TRDN: variants seen among roughly 807,000 people sequenced by gnomAD.
TRDN encodes triadin, also known as triadin in skeletal muscle.
A neutral mutation model predicts 149.7 loss-of-function variants in TRDN; 161 were observed. That is an observed-to-expected ratio of 1.08 (90% CI 0.95 to 1.23). The LOEUF is 1.23. Ranked by LOEUF, TRDN falls within the 50% of genes most tolerant of loss-of-function variation. The probability of loss-of-function intolerance (pLI) is 0.00; values close to 1 mark genes in which losing one functional copy is unlikely to be tolerated. For synonymous variants in TRDN, 294 were observed against 250.5 expected, an observed-to-expected ratio of 1.17 and a Z score of -1.64; for missense variants, 896 against 823.5, an observed-to-expected ratio of 1.09 and a Z score of -1.08.
At chr6:123,494,774 C>T (rs1345692143) in intron 9 of TRDN, among the ~76,000 whole-genome samples, 1 of 151,986 alleles carries the variant, frequency 6.6e-6, no homozygotes. Context: ...TGCTCTGTGG[C>T]CCAGGCTGGA....
At chr6:123,508,867 T>C (rs1475408053) in intron 7 of TRDN, among the ~76,000 whole-genome samples, 2 of 152,190 alleles carry the variant, frequency 1.3e-5, no homozygotes, top group Non-Finnish European at 2.9e-5. Flanking sequence ...TATGATATTT[T>C]CTATCTTTAA....
At chr6:123,301,981 G>A (rs574558079) in intron 24 of TRDN, among the ~76,000 whole-genome samples, 1 of 149,306 alleles carries the variant, frequency 6.7e-6, no homozygotes, top group African/African-American at 2.5e-5. Context: ...GAGTGTTTAG[G>A]TTATTCACCT....
chr6:123,597,598 T>C (rs1345551920), intron 1 of TRDN, among the ~76,000 whole-genome samples: 6 of 152,038 alleles, frequency 3.9e-5, no homozygotes, highest in Admixed American at 2.0e-4. Flanking sequence ...AACTTCATTG[T>C]TGTCTTTTGT....
In TRDN at chr6:123,273,042, G is replaced by A. The variant is rs1430016828; in HGVS notation, c.1625-31C>T. 4 of 1,422,162 alleles carry A rather than the reference G, an allele frequency of 2.8e-6. No individual in the cohort carries two copies. The East Asian group carries it at 7.9e-5, about 28-fold the overall frequency. 88.1% of individuals were successfully genotyped at this position (1,422,162 alleles called of 1,614,324 possible). A position where few individuals can be genotyped will look rare whatever the true frequency, so the allele number is the denominator to read the frequency against. On this transcript the variant is annotated intron_variant, in intron 28 of 40. Coordinates refer to ENST00000334268, the MANE Select transcript of TRDN (RefSeq NM_006073.4). ...AATAATAAAAAGAAAATCTTTTTTA[G>A]GTATTTAGAAGCTGGGAAAATAGCT...
intron 1 of TRDN, among the ~76,000 whole-genome samples, chr6:123,598,458 C>G (rs372906296): frequency 6.6e-6 from 1 of 152,034 alleles, no homozygotes; most frequent in Non-Finnish European, 1.5e-5. Flanking sequence ...AACCCTAGCT[C>G]CCATTACTCA....
intron 16 of TRDN, among the ~76,000 whole-genome samples, 200 bp downstream of exon 16, chr6:123,381,170 G>A (rs1781704892): frequency 1.3e-5 from 2 of 151,988 alleles, no homozygotes. Flanking sequence ...TTGAGAAAGA[G>A]TTCTAAAAAT....
intron 14 of TRDN, among the ~76,000 whole-genome samples, chr6:123,384,350 T>G (rs1238508168): frequency 1.3e-5 from 2 of 152,128 alleles, no homozygotes; most frequent in Admixed American, 1.3e-4. Context: ...GCCCAAGCAG[T>G]TCTGTGTTCC....
chr6:123,563,892 C>T (rs1202790546), intron 2 of TRDN, among the ~76,000 whole-genome samples: 1 of 152,170 alleles, frequency 6.6e-6, no homozygotes, highest in East Asian at 1.9e-4. Flanking sequence ...AGTACAACAT[C>T]CGCCTGCTGG....
intron 9 of TRDN, among the ~76,000 whole-genome samples, chr6:123,486,727 A>G (rs1002168512): frequency 6.6e-6 from 1 of 152,006 alleles, no homozygotes; most frequent in Non-Finnish European, 1.5e-5. Flanking sequence ...ATGGCTAGCA[A>G]TAAGTTCTAC....
At chr6:123,311,700 A>G (rs1582854381) in intron 24 of TRDN, among the ~76,000 whole-genome samples, 1 of 152,086 alleles carries the variant, frequency 6.6e-6, no homozygotes, top group East Asian at 1.9e-4. Context: ...GACTTTTGAC[A>G]GAGAGAATAT....
intron 23 of TRDN, among the ~76,000 whole-genome samples, chr6:123,331,538 A>G (rs543510311): frequency 3.9e-5 from 6 of 152,118 alleles, no homozygotes; most frequent in African/African-American, 1.4e-4. Flanking sequence ...ATTTCATTTT[A>G]TCTTAAATCT....
At chr6:123,428,913 G>T (rs1050099240) in intron 12 of TRDN, among the ~76,000 whole-genome samples, 2 of 152,110 alleles carry the variant, frequency 1.3e-5, no homozygotes, top group Non-Finnish European at 2.9e-5. Context: ...AGATTTCCTT[G>T]CATGTATTAT....
intron 37 of TRDN, 137 bp downstream of exon 37, chr6:123,254,944 G>C: frequency 3.3e-6 from 2 of 608,886 alleles, no homozygotes; most frequent in Non-Finnish European, 3.0e-6. Context: ...TTTTCTACCT[G>C]TCCACTTCCT....
chr6:123,310,812 A>G lies in TRDN; in HGVS notation c.1510+5645T>C, dbSNP rs147886895. ...TTTTTAATGCAAAGGAAAGTGACCC[A>G]TTTTGGAAAAAAATAATACTACAAA... On this transcript the variant is annotated intron_variant, in intron 24 of 40. Coordinates refer to ENST00000334268, the MANE Select transcript of TRDN (RefSeq NM_006073.4). Among the ~76,000 whole-genome samples the G allele has an allele frequency of 3.7e-3, 567 of 152,128 alleles. 3 individuals carry two copies. Among genetic ancestry groups the G allele is most frequent in the Non-Finnish European group, 5.6e-3 (383 of 67,938 alleles).
intron 21 of TRDN, chr6:123,352,122 A>AT (rs142332258): frequency 2.4e-5 from 24 of 982,882 alleles, no homozygotes; most frequent in African/African-American, 7.0e-5. Context: ...ACTTTTACAT[A>AT]TTTTTTTTCA....
intron 24 of TRDN, among the ~76,000 whole-genome samples, chr6:123,312,806 A>C (rs1459936973): frequency 6.6e-6 from 1 of 152,014 alleles, no homozygotes; most frequent in Admixed American, 6.6e-5. Flanking sequence ...CCTTGTAGCC[A>C]TCTTTCGATA....
chr6:123,621,347 C>T (rs1051005786), intron 1 of TRDN, among the ~76,000 whole-genome samples: 7 of 152,116 alleles, frequency 4.6e-5, no homozygotes, highest in Non-Finnish European at 8.8e-5. Flanking sequence ...CCTTTCTCCA[C>T]ATTTTCCAAT....
intron 39 of TRDN, among the ~76,000 whole-genome samples, chr6:123,221,823 C>T (rs532800337): frequency 7.0e-4 from 106 of 151,878 alleles, no homozygotes; most frequent in African/African-American, 2.4e-3. Context: ...AGTTGACATG[C>T]ATCCCTTTCC....
At chr6:123,365,167 G>A (rs567158942) in intron 20 of TRDN, among the ~76,000 whole-genome samples, 47 of 152,114 alleles carry the variant, frequency 3.1e-4, no homozygotes, top group Non-Finnish European at 6.5e-4. Context: ...GTATTTGAAA[G>A]AGAGCATCTA....
Sources: allele counts gnomAD v4.1 joint callset (sites outside exome capture counted in the v4.1 genomes callset), GRCh38; gene constraint gnomAD v4.1.1; transcripts MANE v1.5; gene names NCBI Gene and HGNC (gene_info 2026-07-23, HGNC 2026-07-21).